The following PLEKHG1 variants were observed in gnomAD, a reference collection of about 807,000 sequenced individuals.
The protein encoded by PLEKHG1 is pleckstrin homology and RhoGEF domain containing G1, also known as pleckstrin homology domain-containing family G member 1.
A neutral mutation model predicts 100.8 loss-of-function variants in PLEKHG1; 44 were observed. That is an observed-to-expected ratio of 0.44 (90% CI 0.34 to 0.56). PLEKHG1 has a LOEUF of 0.56. PLEKHG1 is among the 20% of genes least tolerant of loss of function. The pLI is 0.01. For synonymous variants in PLEKHG1, 640 were observed against 662.5 expected (o/e 0.97, Z 0.52); for missense variants, 1,545 against 1,720.9 (o/e 0.90, Z 1.81).
chr6:150,686,213 C>G (rs918619550), intron 3 of PLEKHG1, among the ~76,000 whole-genome samples: 36 of 152,206 alleles, frequency 2.4e-4, no homozygotes, highest in Non-Finnish European at 3.1e-4. Flanking sequence ...TCATTGGATT[C>G]GATTCATCTT....
Position 150,733,718 on chromosome 6 carries a change from G to A in PLEKHG1, c.37G>A (p.Gly13Ser), listed in dbSNP as rs369347179. The A allele has an allele frequency of 1.3e-5, 21 of 1,614,044 alleles. No individual in the cohort carries two copies. Among genetic ancestry groups the A allele is most frequent in the Middle Eastern group, 3.3e-4 (2 of 6,084 alleles). The change falls in exon 2 of 16, where the codon GGT becomes AGT. Residue 13 changes from glycine to serine, a missense_variant. Physicochemically the swap from Gly to Ser is moderately conservative, Grantham distance 56 (BLOSUM62 0). Coordinates refer to ENST00000358517, the Ensembl canonical transcript of PLEKHG1. ...TGATAGTGACCGACCCGTCAGCTTC[G>A]GTTCCACATCATCCTCGGCCTCTTC...
Position 150,831,110 on chromosome 6 carries a change from G to A in PLEKHG1, c.1999G>A (p.Glu667Lys), listed in dbSNP as rs1354518542. 1.9e-6 allele frequency: 3 copies of A among 1,613,836 alleles called. No individual in the cohort carries two copies. The highest frequency in any genetic ancestry group is 2.5e-6 in the Non-Finnish European group (3 of 1,179,886). ...CCATGTCTATGATAACATCAGTTATGAGGACTTAAAACTAATGGTTGCTAA... is the reference window on the plus strand; with the variant it reads ...CCATGTCTATGATAACATCAGTTATAAGGACTTAAAACTAATGGTTGCTAA... Residue 667 changes from glutamate to lysine, a missense_variant, in exon 15 of 16, where the codon GAG becomes AAG. By Grantham distance (56) the Glu-to-Lys change is moderately conservative (BLOSUM62 1). Coordinates refer to ENST00000358517, the Ensembl canonical transcript of PLEKHG1. This position sits in a 1 kb window ranked among gnomAD's most constrained non-coding sequence, Gnocchi z 4.1.
chr6:150,755,142 G>A (rs58164449), intron 2 of PLEKHG1, among the ~76,000 whole-genome samples: 24,228 of 151,870 alleles, frequency 0.16, 2,469 homozygotes, highest in African/African-American at 0.28. Context: ...CGCCTGGCTA[G>A]TTTTTTAATT....
intron 1 of PLEKHG1, among the ~76,000 whole-genome samples, chr6:150,601,226 T>C (rs1396676605): frequency 1.3e-5 from 2 of 152,206 alleles, no homozygotes; most frequent in African/African-American, 4.8e-5. Flanking sequence ...TCAGATTCTG[T>C]AGACAGCATA....
intron 2 of PLEKHG1, among the ~76,000 whole-genome samples, chr6:150,749,102 C>G (rs1783346610): frequency 6.6e-6 from 1 of 152,198 alleles, no homozygotes; most frequent in Admixed American, 6.5e-5. Flanking sequence ...CACCCCAGAT[C>G]CTGCAGCTAA....
chr6:150,712,092 G>A (rs1003468582), intron 3 of PLEKHG1, among the ~76,000 whole-genome samples: 1 of 152,166 alleles, frequency 6.6e-6, no homozygotes, highest in Non-Finnish European at 1.5e-5. Flanking sequence ...AAAGAGAGAC[G>A]ACAACAGTGG....
At position 150,831,427 on chromosome 6, in the gene PLEKHG1, G is replaced by A. The variant is rs1462248371; in HGVS notation, c.2316G>A (p.Glu772=). Residue 772 remains glutamate, a synonymous_variant, in exon 15 of 16, where the codon GAG becomes GAA. Coordinates refer to ENST00000358517, the Ensembl canonical transcript of PLEKHG1. The surrounding 1 kb of genome is among the most constrained non-coding windows in gnomAD (Gnocchi z 4.1). ...AGCGGAGCACCTTTTTGGGTCTGGA[G>A]GCCGACTTCGTGTGCTGTGACAGCC... 3.1e-6 allele frequency: 5 copies of A among 1,614,138 alleles called. No homozygotes were observed. Among genetic ancestry groups the A allele is most frequent in the South Asian group, 2.2e-5 (2 of 91,084 alleles).
intron 1 of PLEKHG1, among the ~76,000 whole-genome samples, chr6:150,634,020 T>C (rs574310875): frequency 0.14 from 21,738 of 151,770 alleles, 1,614 homozygotes; most frequent in South Asian, 0.21. Context: ...GGCAGGCGAA[T>C]CACCTGAGAT....
At chr6:150,737,541 C>G (rs1782632782) in intron 2 of PLEKHG1, among the ~76,000 whole-genome samples, 1 of 152,164 alleles carries the variant, frequency 6.6e-6, no homozygotes. Context: ...ATCCACCCGC[C>G]TCGGCCTCCC....
At chr6:150,637,517 A>G (rs1778055601) in intron 1 of PLEKHG1, among the ~76,000 whole-genome samples, 1 of 151,916 alleles carries the variant, frequency 6.6e-6, no homozygotes, top group Non-Finnish European at 1.5e-5. Flanking sequence ...CTGTTATTGC[A>G]TGTTTGAAAA....
At chr6:150,788,498 C>A (rs933822095) in intron 4 of PLEKHG1, among the ~76,000 whole-genome samples, 2 of 152,130 alleles carry the variant, frequency 1.3e-5, no homozygotes, top group Admixed American at 6.6e-5. Context: ...AAGTCCTTAT[C>A]GACAGATGGA....
rs61020994 is a variant in PLEKHG1, at chr6:150,795,549, T to G, written c.583-307T>G. On this transcript the variant is annotated intron_variant, in intron 4 of 15. Coordinates refer to ENST00000358517, the Ensembl canonical transcript of PLEKHG1. ...GTTTCTTTGGCAGTCTAGGAAAACA[T>G]TGTGAAAGACATTGAAATCCACCAA... Among the ~76,000 whole-genome samples the G allele has an allele frequency of 1.6e-3, 244 of 151,606 alleles. No individual in the cohort carries two copies. In the Middle Eastern group the frequency reaches 0.028, roughly 17 times the overall value.
chr6:150,683,747 G>T lies in PLEKHG1; in HGVS notation c.-99+32961G>T, dbSNP rs750740628. 6 of 1,279,524 alleles carry T rather than the reference G, an allele frequency of 4.7e-6. 1 individual carries two copies. The South Asian group carries it at 7.5e-5, about 16-fold the overall frequency. 79.3% of individuals were successfully genotyped at this position (1,279,524 alleles called of 1,614,324 possible). A position where few individuals can be genotyped will look rare whatever the true frequency, so the allele number is the denominator to read the frequency against. On this transcript the variant is annotated intron_variant, in intron 3 of 3. Coordinates refer to the PLEKHG1 transcript ENST00000367326. The surrounding 1 kb of genome is among the most constrained non-coding windows in gnomAD (Gnocchi z 4.0). ...CTCTGCGCTAGTATCCAGGGCATAGGACGTCTGAAGGAAAGATGGAGCCAT... is the reference window on the plus strand; with the variant it reads ...CTCTGCGCTAGTATCCAGGGCATAGTACGTCTGAAGGAAAGATGGAGCCAT...
At chr6:150,635,278 A>G (rs990010039) in intron 1 of PLEKHG1, among the ~76,000 whole-genome samples, 3 of 151,980 alleles carry the variant, frequency 2.0e-5, no homozygotes, top group African/African-American at 7.3e-5. Flanking sequence ...TGTGCTGCAA[A>G]TTTTGCTCTT....
intron 11 of PLEKHG1, 123 bp from the exon 13 acceptor site, chr6:150,819,556 A>G: frequency 8.1e-6 from 4 of 491,192 alleles, no homozygotes; most frequent in Non-Finnish European, 1.4e-5. Flanking sequence ...ACAGAGCAAG[A>G]CTCTGTCTCA....
chr6:150,674,538 AG>A (rs1779674679), intron 3 of PLEKHG1, among the ~76,000 whole-genome samples: 1 of 151,378 alleles, frequency 6.6e-6, no homozygotes. Flanking sequence ...CATTGTTATC[AG>A]TTATTATAGA....
chr6:150,695,041 C>G (rs1423734795), intron 3 of PLEKHG1, among the ~76,000 whole-genome samples: 1 of 152,208 alleles, frequency 6.6e-6, no homozygotes, highest in African/African-American at 2.4e-5. Context: ...ATTAGGAAGA[C>G]ACATGGCATC....
At chr6:150,615,477 T>C (rs1777033876) in intron 1 of PLEKHG1, among the ~76,000 whole-genome samples, 1 of 152,164 alleles carries the variant, frequency 6.6e-6, no homozygotes, top group Non-Finnish European at 1.5e-5. Context: ...TCTTTACTCC[T>C]CCAAAAGCTG....
intron 3 of PLEKHG1, chr6:150,663,140 T>G (rs1330770027): frequency 6.6e-6 from 1 of 152,212 alleles, no homozygotes; most frequent in Non-Finnish European, 1.5e-5. Context: ...AGCTTTTTCT[T>G]CTAATTATTT....
Sources: gnomAD v4.1 joint callset for allele counts (sites outside exome capture counted in the v4.1 genomes callset) on GRCh38, gnomAD v4.1.1 for gene constraint, Gnocchi (gnomAD v3.1) non-coding constraint, MANE v1.5 for transcripts, NCBI Gene and HGNC (gene_info 2026-07-23, HGNC 2026-07-21) for gene names.